Variants in DNAH14 observed in about 807,000 individuals in gnomAD.
The protein encoded by DNAH14 is dynein axonemal heavy chain 14, also known as axonemal beta dynein heavy chain 14.
A neutral mutation model predicts 520.9 loss-of-function variants in DNAH14; 478 were observed. The ratio of observed to expected loss-of-function variants is 0.92; its 90% CI spans 0.85 to 0.99. The LOEUF (loss-of-function observed/expected upper bound fraction) is 0.99. Ranked by LOEUF, DNAH14 falls within the 50% of genes least tolerant of loss-of-function variation. DNAH14 has a pLI of 0.00. For missense variants in DNAH14, 4,831 were observed against 5,234.5 expected (o/e 0.92, Z 2.38); for synonymous variants, 1,581 against 1,757.2 (o/e 0.90, Z 2.51).
At chr1:225,329,463 T>C (rs183057820) in intron 64 of DNAH14, among the ~76,000 whole-genome samples, 2 of 152,312 alleles carry the variant, frequency 1.3e-5, no homozygotes, top group East Asian at 3.9e-4. Flanking sequence ...AACTCTGGAC[T>C]ATATCCTTAA....
At chr1:225,032,789 T>C (rs2066629900) in intron 11 of DNAH14, among the ~76,000 whole-genome samples, 1 of 152,166 alleles carries the variant, frequency 6.6e-6, no homozygotes, top group African/African-American at 2.4e-5. Flanking sequence ...TGGAGTGAGA[T>C]GGTATCTTAT....
At position 225,382,704 on chromosome 1, in the gene DNAH14, A is replaced by G. The variant is rs138215035; in HGVS notation, c.13077+1125A>G. Among the ~76,000 whole-genome samples the G allele has an allele frequency of 4.5e-3, 674 of 150,188 alleles. 9 individuals carry two copies. Among genetic ancestry groups the G allele is most frequent in the African/African-American group, 0.016 (633 of 40,754 alleles). ...ACTCCAGCCTGGGCAACAGAGGGAC[A>G]CTCTGTCTCAAAAAAAAAAAAAGTC... On this transcript the variant is annotated intron_variant, in intron 81 of 85. Coordinates refer to ENST00000682510, the MANE Select transcript of DNAH14 (RefSeq NM_001367479.1).
intron 23 of DNAH14, among the ~76,000 whole-genome samples, chr1:225,110,473 A>C (rs2076398649): frequency 6.6e-6 from 1 of 151,638 alleles, no homozygotes; most frequent in Non-Finnish European, 1.5e-5. Flanking sequence ...ATAGTTGCTC[A>C]TAGTAGTCTC....
At chr1:225,160,362 G>C (rs1317013294) in intron 35 of DNAH14, among the ~76,000 whole-genome samples, 3 of 152,022 alleles carry the variant, frequency 2.0e-5, no homozygotes, top group Non-Finnish European at 4.4e-5. Context: ...ATAATTATTT[G>C]TTCTTTAAAT....
intron 66 of DNAH14, among the ~76,000 whole-genome samples, chr1:225,335,054 GTA>G (rs1558422006): frequency 2.0e-5 from 3 of 147,828 alleles, no homozygotes; most frequent in African/African-American, 7.5e-5. Context: ...ATATACATAT[GTA>G]CATATATGTA....
intron 83 of DNAH14, 140 bp downstream of exon 83, chr1:225,390,013 C>G (rs1374088262): frequency 1.4e-6 from 1 of 729,164 alleles, no homozygotes; most frequent in African/African-American, 1.8e-5. Flanking sequence ...CTAGTGTGCA[C>G]CAGAGCAGTC....
At chr1:225,031,381 C>G (rs2066511031) in intron 11 of DNAH14, among the ~76,000 whole-genome samples, 1 of 152,016 alleles carries the variant, frequency 6.6e-6, no homozygotes, top group African/African-American at 2.4e-5. Context: ...TAGCCACGCC[C>G]ATTTGTTTAC....
At chr1:225,233,172 G>A (rs1309427161) in intron 42 of DNAH14, among the ~76,000 whole-genome samples, 1 of 152,196 alleles carries the variant, frequency 6.6e-6, no homozygotes, top group Non-Finnish European at 1.5e-5. Context: ...ATTCCATGGT[G>A]TATATGTACC....
At chr1:225,061,791 C>T (rs578078394) in intron 17 of DNAH14, among the ~76,000 whole-genome samples, 1 of 152,278 alleles carries the variant, frequency 6.6e-6, no homozygotes, top group East Asian at 1.9e-4. Context: ...GCTGTATATT[C>T]TATTTTGAAA....
Position 225,331,430 on chromosome 1 carries a change from C to T in DNAH14, c.9724-7C>T, listed in dbSNP as rs2094795492. 2 of 1,548,310 alleles carry T rather than the reference C, an allele frequency of 1.3e-6. No homozygotes were observed. The highest frequency in any genetic ancestry group is 8.7e-7 in the Non-Finnish European group (1 of 1,145,630). ...TTTTTCTCAATAATGAATTAATTATCTTTCAGGTTGAAGAACATTTGCTGT... is the reference window on the plus strand; with the variant it reads ...TTTTTCTCAATAATGAATTAATTATTTTTCAGGTTGAAGAACATTTGCTGT... On this transcript the variant is annotated splice_region_variant and splice_polypyrimidine_tract_variant and intron_variant, in intron 64 of 85. Transcript: ENST00000682510.
chr1:224,969,208 T>C, intron 7 of DNAH14: 1 of 202,530 alleles, frequency 4.9e-6, no homozygotes, highest in Non-Finnish European at 9.8e-6. Context: ...TTAAAACTCT[T>C]AATTTTAGTC....
chr1:225,137,678 C>T (rs181143939), intron 27 of DNAH14, among the ~76,000 whole-genome samples: 26 of 152,204 alleles, frequency 1.7e-4, no homozygotes, highest in African/African-American at 6.0e-4. Flanking sequence ...TTTTAACAGG[C>T]CACTCTACCA....
At chr1:225,048,027 C>T (rs2068121811) in intron 15 of DNAH14, among the ~76,000 whole-genome samples, 1 of 152,152 alleles carries the variant, frequency 6.6e-6, no homozygotes, top group Admixed American at 6.5e-5. Flanking sequence ...CAAAACAGTT[C>T]CATCATCCCC....
chr1:224,965,146 T>G (rs2061083506), intron 5 of DNAH14, among the ~76,000 whole-genome samples: 1 of 152,130 alleles, frequency 6.6e-6, no homozygotes, highest in Non-Finnish European at 1.5e-5. Flanking sequence ...TGGTAAGAAC[T>G]AAGGTGTGTG....
At chr1:224,997,712 T>TTA (rs1207850945) in intron 8 of DNAH14, among the ~76,000 whole-genome samples, 2 of 152,126 alleles carry the variant, frequency 1.3e-5, no homozygotes, top group African/African-American at 4.8e-5. Context: ...AGTTTTTAAA[T>TTA]TATGAATTCA....
intron 8 of DNAH14, among the ~76,000 whole-genome samples, chr1:224,986,538 A>T (rs1018219696): frequency 6.8e-6 from 1 of 147,098 alleles, no homozygotes; most frequent in East Asian, 1.9e-4. Context: ...AAAGCAATCA[A>T]TGTGAAACAT....
Position 225,082,670 on chromosome 1 carries a change from C to T in DNAH14, c.3258C>T (p.Leu1086=), listed in dbSNP as rs1214510269. The T allele has an allele frequency of 6.4e-7, 1 of 1,551,416 alleles. No homozygotes were observed. The highest frequency in any genetic ancestry group is 8.7e-7 in the Non-Finnish European group (1 of 1,146,888). The part of the protein sequence containing the change: ...PCLKPRHWEA[L]QEIIGKSVPL... ...TCAAGCCAAGGCATTGGGAGGCTCT[C>T]CAGGAGATTATTGGGAAGTCAGTTC... Residue 1086 remains leucine (L), a synonymous_variant, in exon 20 of 86, where the codon CTC becomes CTT. Transcript: ENST00000682510.
intron 11 of DNAH14, among the ~76,000 whole-genome samples, chr1:225,030,193 C>G (rs957438561): frequency 6.6e-6 from 1 of 151,678 alleles, no homozygotes; most frequent in Non-Finnish European, 1.5e-5. Context: ...GAATAAAATA[C>G]AGTTTTATAA....
chr1:224,975,219 A>G (rs1339548212), intron 8 of DNAH14, among the ~76,000 whole-genome samples: 1 of 152,208 alleles, frequency 6.6e-6, no homozygotes, highest in East Asian at 1.9e-4. Flanking sequence ...CAGTTTTAGT[A>G]TCAGGATGTT....
Sources: allele counts gnomAD v4.1 joint callset (sites outside exome capture counted in the v4.1 genomes callset), GRCh38; gene constraint gnomAD v4.1.1; transcripts MANE v1.5; gene names NCBI Gene and HGNC (gene_info 2026-07-23, HGNC 2026-07-21).